Variants in GABRG3 observed in about 807,000 individuals in gnomAD.
The protein encoded by GABRG3 is gamma-aminobutyric acid type A receptor subunit gamma3, also known as gamma-aminobutyric acid receptor subunit gamma-3.
A neutral mutation model predicts 48.8 loss-of-function variants in GABRG3; 25 were observed. The ratio of observed to expected loss-of-function variants is 0.51; its 90% CI spans 0.37 to 0.72. The LOEUF is 0.72. GABRG3 is among the 30% of genes least tolerant of loss of function. GABRG3 has a pLI of 0.00. For synonymous variants in GABRG3, 227 were observed against 217.6 expected, an observed-to-expected ratio of 1.04 and a Z score of -0.38; for missense variants, 394 against 577.9, an observed-to-expected ratio of 0.68 and a Z score of 3.26.
intron 3 of GABRG3, among the ~76,000 whole-genome samples, chr15:27,097,267 G>C (rs1333803432): frequency 1.3e-5 from 2 of 152,050 alleles, no homozygotes; most frequent in African/African-American, 2.4e-5. Flanking sequence ...AGAGGAAGCT[G>C]CCCAGAAAGG....
chr15:27,122,860 C>G (rs1239953221), intron 3 of GABRG3, among the ~76,000 whole-genome samples: 1 of 152,154 alleles, frequency 6.6e-6, no homozygotes, highest in Non-Finnish European at 1.5e-5. Context: ...CTCACTTCCC[C>G]GTGTAGCTCA....
chr15:27,511,826 C>T (rs975420579), intron 6 of GABRG3, among the ~76,000 whole-genome samples: 5 of 152,204 alleles, frequency 3.3e-5, no homozygotes, highest in South Asian at 2.1e-4. Flanking sequence ...AATGGCAAAC[C>T]GTTCTTACTT....
intron 5 of GABRG3, among the ~76,000 whole-genome samples, chr15:27,404,013 A>G (rs1047169272): frequency 1.1e-4 from 16 of 150,620 alleles, no homozygotes; most frequent in Non-Finnish European, 1.9e-4. Flanking sequence ...CGAGGTCAGG[A>G]GATTAAGACC....
At chr15:27,212,072 C>A (rs1481172429) in intron 3 of GABRG3, among the ~76,000 whole-genome samples, 1 of 152,114 alleles carries the variant, frequency 6.6e-6, no homozygotes, top group Non-Finnish European at 1.5e-5. Flanking sequence ...GGTGGCTAGA[C>A]CCAAGGGATG....
chr15:27,352,335 C>T lies in GABRG3; in HGVS notation c.574+23447C>T, dbSNP rs562568191. On this transcript the variant is annotated intron_variant, in intron 5 of 9. Coordinates refer to ENST00000615808, the MANE Select transcript of GABRG3 (RefSeq NM_033223.5). This position sits in a 1 kb window ranked among gnomAD's most constrained non-coding sequence, Gnocchi z 4.0. ...GACCCAGGGAGAGCACGATTATCCC[C>T]CGCACACTTCAAGGGGTGATGGGGT... Among the ~76,000 whole-genome samples the T allele has an allele frequency of 7.2e-5, 11 of 152,070 alleles. No homozygotes were observed. Among genetic ancestry groups the T allele is most frequent in the East Asian group, 3.9e-4 (2 of 5,162 alleles).
chr15:27,528,140 G>A, intron 9 of GABRG3, 148 bp downstream of exon 9: 2 of 658,516 alleles, frequency 3.0e-6, no homozygotes, highest in Non-Finnish European at 5.3e-6. Flanking sequence ...TTTAGTATTA[G>A]GTTAAAAATC....
intron 3 of GABRG3, among the ~76,000 whole-genome samples, chr15:27,137,527 A>T (rs1898031053): frequency 1.3e-5 from 2 of 152,316 alleles, no homozygotes; most frequent in South Asian, 4.1e-4. Flanking sequence ...TTCTTTTAAG[A>T]ATTAGATCAG....
At chr15:27,074,581 C>T (rs925291882) in intron 3 of GABRG3, among the ~76,000 whole-genome samples, 8 of 151,838 alleles carry the variant, frequency 5.3e-5, no homozygotes, top group African/African-American at 1.9e-4. Context: ...GCTCTAATTT[C>T]AGCCCATCCT....
Position 27,186,516 on chromosome 15 carries a change from T to G in GABRG3, c.271-140293T>G, listed in dbSNP as rs988116919. 2.6e-5 allele frequency among the ~76,000 whole-genome samples: 4 copies of G among 152,218 alleles called. No homozygotes were observed. In the South Asian group the frequency reaches 6.2e-4, roughly 24 times the overall value. ...TTTTTGGTAGAATGATTTAGTTTCCTTTGGGTATATATCCAGTAATGGGAT... is the reference window on the plus strand; with the variant it reads ...TTTTTGGTAGAATGATTTAGTTTCCGTTGGGTATATATCCAGTAATGGGAT... On this transcript the variant is annotated intron_variant, in intron 3 of 9. Transcript: ENST00000615808.
intron 5 of GABRG3, among the ~76,000 whole-genome samples, chr15:27,376,041 G>A (rs1392073304): frequency 6.6e-6 from 1 of 152,174 alleles, no homozygotes; most frequent in Non-Finnish European, 1.5e-5. Context: ...ACAGGCATTG[G>A]GTAAATACAG....
chr15:27,351,398 G>A (rs536745544), intron 5 of GABRG3, among the ~76,000 whole-genome samples: 1 of 146,008 alleles, frequency 6.8e-6, no homozygotes, highest in Non-Finnish European at 1.5e-5. Flanking sequence ...TATGGTATAT[G>A]TGTGTATAGT....
intron 3 of GABRG3, among the ~76,000 whole-genome samples, chr15:27,308,023 A>T (rs1471760060): frequency 1.3e-4 from 18 of 139,984 alleles, no homozygotes; most frequent in Non-Finnish European, 9.2e-5. Flanking sequence ...TATATAAAAT[A>T]AACATGTTTA....
chr15:27,480,717 A>G lies in GABRG3; in HGVS notation c.642A>G (p.Lys214=). 1.2e-6 allele frequency: 2 copies of G among 1,613,592 alleles called. No homozygotes were observed. Among genetic ancestry groups the G allele is most frequent in the South Asian group, 1.1e-5 (1 of 90,936 alleles). Residue 214 remains lysine, a synonymous_variant, in exon 6 of 10, where the codon AAA becomes AAG. Coordinates refer to ENST00000615808, the MANE Select transcript of GABRG3 (RefSeq NM_033223.5). ...RKNSVEAADQ[K]SWRLYQFDFM... ...ATTCAGTGGAGGCAGCTGACCAGAA[A>G]TCATGGCGGCTTTATCAGTTTGACT... is the stretch of plus-strand genomic sequence containing the variant.
At chr15:27,044,965 C>T (rs537025433) in intron 3 of GABRG3, among the ~76,000 whole-genome samples, 1 of 152,300 alleles carries the variant, frequency 6.6e-6, no homozygotes, top group South Asian at 2.1e-4. Context: ...GTATGGAGGC[C>T]TCTAAAGCCC....
rs57488330 is a variant in GABRG3 at position 27,225,783 on chromosome 15, T to C, written c.271-101026T>C. Among the ~76,000 whole-genome samples the C allele has an allele frequency of 2.4e-3, 359 of 152,052 alleles. 4 individuals are homozygous for C. In the East Asian group the frequency reaches 0.056, roughly 24 times the overall value. On this transcript the variant is annotated intron_variant, in intron 3 of 9. Coordinates refer to ENST00000615808, the MANE Select transcript of GABRG3 (RefSeq NM_033223.5). ...GCCCTGGTCTTCGAGAAGTCCTCCATCAGAATAGGGTGCTGAGAGAGCTGG... is the reference window on the plus strand; with the variant it reads ...GCCCTGGTCTTCGAGAAGTCCTCCACCAGAATAGGGTGCTGAGAGAGCTGG...
intron 5 of GABRG3, among the ~76,000 whole-genome samples, chr15:27,427,191 T>C (rs1888318537): frequency 6.6e-6 from 1 of 152,226 alleles, no homozygotes; most frequent in Non-Finnish European, 1.5e-5. Flanking sequence ...TTTAATCCTT[T>C]AATATTTAAT....
At chr15:27,189,625 T>G (rs913987899) in intron 3 of GABRG3, among the ~76,000 whole-genome samples, 1 of 152,178 alleles carries the variant, frequency 6.6e-6, no homozygotes, top group African/African-American at 2.4e-5. Context: ...AAGGAGATTT[T>G]GGGCTGAGAC....
rs369015709 is a variant in GABRG3 at position 27,341,423 on chromosome 15, G to A, written c.574+12535G>A. On this transcript the variant is annotated intron_variant, in intron 5 of 9. Transcript: ENST00000615808. The stretch of plus-strand genomic sequence containing the variant: ...TTAAAAATCAAACTTGAACCAAGCT[G>A]AGTGTCAGGGAAGCCCTGGGTCAGC... Among the ~76,000 whole-genome samples the A allele has an allele frequency of 7.2e-5, 11 of 152,328 alleles. No homozygotes were observed. The East Asian group carries it at 2.1e-3, about 29-fold the overall frequency.
At chr15:27,336,237 G>GAGA (rs1566792015) in intron 5 of GABRG3, among the ~76,000 whole-genome samples, 8 of 143,320 alleles carry the variant, frequency 5.6e-5, no homozygotes, top group African/African-American at 2.2e-4. Flanking sequence ...AGAGAGAGGA[G>GAGA]AAGAAAAGAA....
Sources: gnomAD v4.1 joint callset for allele counts (sites outside exome capture counted in the v4.1 genomes callset) on GRCh38, gnomAD v4.1.1 for gene constraint, Gnocchi (gnomAD v3.1) non-coding constraint, MANE v1.5 for transcripts, NCBI Gene and HGNC (gene_info 2026-07-23, HGNC 2026-07-21) for gene names.